Variants in ETFA observed in about 807,000 individuals in gnomAD.
ETFA encodes electron transfer flavoprotein subunit alpha, mitochondrial.
ETFA carries 22 observed loss-of-function variants against 46.2 expected under a neutral mutation model. The observed-to-expected ratio is 0.48, with a 90% CI of 0.34 to 0.68. The LOEUF is 0.68. ETFA is among the 30% of genes least tolerant of loss of function. The pLI, the probability that ETFA is intolerant of heterozygous loss-of-function variation, is 0.01. For synonymous variants in ETFA, 131 were observed against 139.9 expected (o/e 0.94, Z 0.45); for missense variants, 345 against 401.1 (o/e 0.86, Z 1.19).
chr15:76,282,520 T>C (rs1567214613), intron 8 of ETFA, among the ~76,000 whole-genome samples: 1 of 152,184 alleles, frequency 6.6e-6, no homozygotes, highest in Non-Finnish European at 1.5e-5. Flanking sequence ...GTACCTGGAA[T>C]ATGGCAGACA....
chr15:76,266,662 G>A (rs774264300), intron 9 of ETFA, among the ~76,000 whole-genome samples: 28 of 152,156 alleles, frequency 1.8e-4, no homozygotes, highest in Admixed American at 5.2e-4. Context: ...CCAGCACTTT[G>A]GGAGGCCAAG....
At position 76,225,860 on chromosome 15, in the gene ETFA, C is replaced by T; in HGVS notation, c.952G>A (p.Asp318Asn). The T allele has an allele frequency of 1.2e-6, 2 of 1,604,738 alleles. No homozygotes were observed. The highest frequency in any genetic ancestry group is 1.7e-5 in the Admixed American group (1 of 60,016). ...CAAGGCCAGCTTACCTTAAATAAAT[C>T]TGCAACTATTCCATAATCTGCCACT... ...FQVADYGIVA[D>N]LFKVVPEMTE... The change falls in exon 11 of 12, where the codon GAT (aspartate) becomes AAT (asparagine). Residue 318 changes from aspartate to asparagine, a missense_variant. Physicochemically the swap from Asp to Asn is conservative, Grantham distance 23. Transcript: ENST00000557943.
chr15:76,285,111 TA>T (rs1555458635), intron 7 of ETFA, among the ~76,000 whole-genome samples: 1 of 152,086 alleles, frequency 6.6e-6, no homozygotes, highest in Non-Finnish European at 1.5e-5. Flanking sequence ...CAGTGGGCCA[TA>T]AAAAAATCAT....
chr15:76,290,498 C>T (rs1389713720), intron 4 of ETFA, among the ~76,000 whole-genome samples: 3 of 151,916 alleles, frequency 2.0e-5, no homozygotes, highest in African/African-American at 2.4e-5. Flanking sequence ...GCATGCACCA[C>T]CACACTCAGC....
At chr15:76,238,143 G>A (rs190661608) in intron 9 of ETFA, among the ~76,000 whole-genome samples, 2 of 152,188 alleles carry the variant, frequency 1.3e-5, no homozygotes, top group East Asian at 3.9e-4. Flanking sequence ...TTCTGGAATT[G>A]GAACAGTATT....
Position 76,274,413 on chromosome 15 carries a change from G to A in ETFA, c.815C>T (p.Pro272Leu). Reference sequence around the variant, plus strand: ...AGCATATTTTATTGCAATACTTACTGGTGCTACTATTTTTCCCGTCTGTCC... The same window carrying A: ...AGCATATTTTATTGCAATACTTACTAGTGCTACTATTTTTCCCGTCTGTCC... Reference protein sequence around the residue: ...QVGQTGKIVAPELYIAVGISG... With the variant: ...QVGQTGKIVALELYIAVGISG... Residue 272 changes from proline (P) to leucine (L), a missense_variant and splice_region_variant, in exon 9 of 12, where the codon CCA (proline) becomes CTA (leucine). Coordinates refer to ENST00000557943, the MANE Select transcript of ETFA (RefSeq NM_000126.4). The A allele has an allele frequency of 6.2e-7, 1 of 1,603,694 alleles. No homozygotes were observed. The highest frequency in any genetic ancestry group is 2.2e-5 in the East Asian group (1 of 44,802).
At chr15:76,288,086 C>T in intron 4 of ETFA, 141 bp from the exon 5 acceptor site, 3 of 658,286 alleles carry the variant, frequency 4.6e-6, no homozygotes, top group South Asian at 1.6e-5. Flanking sequence ...CCTTTGGATA[C>T]ACAACTTCAA....
At position 76,218,673 on chromosome 15, in the gene ETFA, A is replaced by G. The variant is rs1996548; in HGVS notation, c.964-2076T>C. Among the ~76,000 whole-genome samples the G allele has an allele frequency of 3.4e-3, 524 of 152,324 alleles. 1 individual carries two copies. Among genetic ancestry groups the G allele is most frequent in the South Asian group, 5.6e-3 (27 of 4,832 alleles). On this transcript the variant is annotated intron_variant, in intron 11 of 11. Coordinates refer to ENST00000557943, the MANE Select transcript of ETFA (RefSeq NM_000126.4). The stretch of plus-strand genomic sequence containing the variant: ...TCTGATGGCCTGAGCACACTGAAAG[A>G]TCTGGATTCTTGTTTCTGTTCTCTT...
At chr15:76,224,469 G>C (rs2038985614) in intron 11 of ETFA, among the ~76,000 whole-genome samples, 1 of 152,218 alleles carries the variant, frequency 6.6e-6, no homozygotes, top group African/African-American at 2.4e-5. Context: ...TGCAGTCTGA[G>C]CCATCACGGA....
rs561718018 is a variant in ETFA, at chr15:76,260,765, G to T, written c.816+13647C>A. 1.9e-4 allele frequency: 304 copies of T among 1,603,968 alleles called. 4 individuals are homozygous for T. In the Admixed American group the frequency reaches 5.0e-3, roughly 26 times the overall value. On this transcript the variant is annotated intron_variant, in intron 9 of 11. Coordinates refer to ENST00000557943, the MANE Select transcript of ETFA (RefSeq NM_000126.4). ...CTGGGGCTAGACCCTTGGTCTGAAA[G>T]GGCACCCAGTCAGCATAAGGAGAGG... is the stretch of plus-strand genomic sequence containing the variant.
chr15:76,276,087 A>G (rs1483454885), intron 8 of ETFA, among the ~76,000 whole-genome samples: 3 of 151,862 alleles, frequency 2.0e-5, no homozygotes, highest in African/African-American at 7.3e-5. Flanking sequence ...AGAGTTTTTG[A>G]CCTCTATCAT....
chr15:76,260,536 T>C (rs1393538764), intron 9 of ETFA: 2 of 1,472,000 alleles, frequency 1.4e-6, no homozygotes, highest in Admixed American at 1.8e-5. Flanking sequence ...ACACGTACGA[T>C]CAGGCCCTTT....
At chr15:76,261,519 C>G in intron 9 of ETFA, 1 of 690,124 alleles carries the variant, frequency 1.4e-6, no homozygotes, top group Non-Finnish European at 2.5e-6. Flanking sequence ...TGAGCTTTAC[C>G]AGCTGCCCCT....
chr15:76,294,534 G>A (rs1386664379), intron 2 of ETFA, among the ~76,000 whole-genome samples: 5 of 152,116 alleles, frequency 3.3e-5, no homozygotes, highest in African/African-American at 1.2e-4. Flanking sequence ...ATTATCACAT[G>A]CTCTGAATTA....
chr15:76,289,447 A>C (rs957094529), intron 4 of ETFA, among the ~76,000 whole-genome samples: 6 of 152,210 alleles, frequency 3.9e-5, no homozygotes, highest in African/African-American at 1.4e-4. Context: ...CTCAAAATTT[A>C]ATGTCTTTTG....
intron 1 of ETFA, 66 bp from the exon 2 acceptor site, chr15:76,295,803 T>C (rs963956378): frequency 2.3e-4 from 273 of 1,179,668 alleles, no homozygotes; most frequent in Non-Finnish European, 3.2e-4. Context: ...TTTTTTTTTT[T>C]ACTAATTGTT....
chr15:76,287,869 G>A lies in ETFA; in HGVS notation c.428C>T (p.Thr143Ile). 1.9e-6 allele frequency: 3 copies of A among 1,612,600 alleles called. No homozygotes were observed. Among genetic ancestry groups the A allele is most frequent in the Non-Finnish European group, 2.5e-6 (3 of 1,178,634 alleles). Residue 143 changes from threonine (T) to isoleucine (I), a missense_variant, in exon 5 of 12, where the codon ACA (threonine) becomes ATA (isoleucine). Thr to Ile is a moderately conservative substitution (Grantham distance 89, BLOSUM62 -1). Coordinates refer to ENST00000557943, the MANE Select transcript of ETFA (RefSeq NM_000126.4). ...SDIIAIKSPD[T>I]FVRTIYAGNA... is the part of the protein sequence containing the mutation. The stretch of plus-strand genomic sequence containing the variant: ...ACCTGCATAAATAGTTCTCACAAAT[G>A]TGTCAGGTGACTTGATTGCAATGAT...
chr15:76,302,553 G>C (rs2039890284), intron 1 of ETFA, among the ~76,000 whole-genome samples: 1 of 149,586 alleles, frequency 6.7e-6, no homozygotes, highest in African/African-American at 2.5e-5. Context: ...AGGGGGAGTG[G>C]GGGCGGGGGC....
At chr15:76,272,813 C>CATACATAT (rs1555457981) in intron 9 of ETFA, among the ~76,000 whole-genome samples, 2 of 137,558 alleles carry the variant, frequency 1.5e-5, no homozygotes, top group Non-Finnish European at 3.1e-5. Flanking sequence ...AAAATATATA[C>CATACATAT]ATATATATAT....
Sources: gnomAD v4.1 joint callset for allele counts (sites outside exome capture counted in the v4.1 genomes callset) on GRCh38, gnomAD v4.1.1 for gene constraint, MANE v1.5 for transcripts, NCBI Gene and HGNC (gene_info 2026-07-23, HGNC 2026-07-21) for gene names.